Variants in CUL2 observed in about 807,000 individuals in gnomAD.
CUL2 encodes the protein cullin 2.
CUL2 carries 22 observed loss-of-function variants against 110.2 expected under a neutral mutation model. The ratio of observed to expected loss-of-function variants is 0.20; its 90% CI spans 0.14 to 0.28. The LOEUF (loss-of-function observed/expected upper bound fraction) is 0.28. Among genes scored for constraint, CUL2 ranks in the 10% least tolerant of loss-of-function variants. The pLI, the probability that CUL2 is intolerant of heterozygous loss-of-function variation, is 1.00. For synonymous variants in CUL2, 279 were observed against 293.2 expected, an observed-to-expected ratio of 0.95 and a Z score of 0.49; for missense variants, 631 against 905.5, an observed-to-expected ratio of 0.70 and a Z score of 3.89.
In CUL2 at chr10:35,044,864, G is replaced by T; in HGVS notation, c.511C>A (p.Arg171Ser). 1 of 1,608,954 alleles carries T rather than the reference G, an allele frequency of 6.2e-7. No homozygotes were observed. The highest frequency in any genetic ancestry group is 1.1e-5 in the South Asian group (1 of 90,442). The change falls in exon 7 of 21, where the codon CGT (arginine) becomes AGT (serine). Residue 171 changes from arginine (R) to serine (S), a missense_variant. Physicochemically the swap from Arg to Ser is moderately radical, Grantham distance 110 (BLOSUM62 -1). This residue lies in a region of CUL2 where 338 missense variants were observed against 442.5 expected (regional missense o/e 0.76). Coordinates refer to ENST00000374749, the MANE Select transcript of CUL2 (RefSeq NM_003591.4). ...RMLLREIKND[R>S]GGEDPNQKVI... ...TTCTGGTTTGGGTCTTCTCCACCAC[G>T]ATCACTAAAACAAGGTATAACACAA...
chr10:35,022,173 A>G lies in CUL2; in HGVS notation c.1684+2959T>C, dbSNP rs142121016. 1.5e-3 allele frequency among the ~76,000 whole-genome samples: 235 copies of G among 152,316 alleles called. 4 individuals are homozygous for G. In the East Asian group the frequency reaches 0.033, roughly 21 times the overall value. ...TGGCGTTTAGAAGTACCTGAGACAT[A>G]GAAAATGTTCTTTGAGTTGATCAAT... On this transcript the variant is annotated intron_variant, in intron 17 of 20. Coordinates refer to ENST00000374749, the MANE Select transcript of CUL2 (RefSeq NM_003591.4).
chr10:35,100,317 G>C (rs2087359082), intron 2 of CUL2, among the ~76,000 whole-genome samples: 1 of 152,072 alleles, frequency 6.6e-6, no homozygotes, highest in Admixed American at 6.6e-5. Flanking sequence ...TAAATCTGCT[G>C]GGCCTTTTAT....
intron 2 of CUL2, among the ~76,000 whole-genome samples, chr10:35,099,847 T>C (rs2087352386): frequency 6.6e-6 from 1 of 152,116 alleles, no homozygotes; most frequent in African/African-American, 2.4e-5. Context: ...AAATATGTGT[T>C]AAGTAAGCCA....
chr10:35,097,783 A>T (rs2087319565), intron 2 of CUL2, among the ~76,000 whole-genome samples: 1 of 151,822 alleles, frequency 6.6e-6, no homozygotes, highest in South Asian at 2.1e-4. Flanking sequence ...ATACAGCAAG[A>T]CCCCATCTTT....
At chr10:35,013,830 A>G in intron 18 of CUL2, 30 bp from the exon 19 acceptor site, 1 of 1,339,672 alleles carries the variant, frequency 7.5e-7, no homozygotes, top group Non-Finnish European at 9.9e-7. Context: ...ATTTATATTT[A>G]TAAAAACCAA....
intron 1 of CUL2, among the ~76,000 whole-genome samples, chr10:35,081,398 A>AT (rs1457243693): frequency 1.3e-5 from 2 of 152,218 alleles, no homozygotes; most frequent in East Asian, 3.9e-4. Context: ...TTGCTTTCTC[A>AT]TTTTTTGTTC....
intron 6 of CUL2, among the ~76,000 whole-genome samples, chr10:35,049,320 G>A (rs760041775): frequency 6.6e-6 from 1 of 152,144 alleles, no homozygotes; most frequent in East Asian, 1.9e-4. Context: ...TCAATAGGTG[G>A]TCCTCACGAG....
intron 18 of CUL2, 21 bp downstream of exon 18, chr10:35,016,171 C>G (rs960997899): frequency 6.3e-7 from 1 of 1,589,684 alleles, no homozygotes; most frequent in Non-Finnish European, 8.6e-7. Context: ...TGCTTAAATT[C>G]TTTGGAATAT....
At chr10:35,030,127 T>C (rs951121531) in intron 14 of CUL2, among the ~76,000 whole-genome samples, 1 of 152,216 alleles carries the variant, frequency 6.6e-6, no homozygotes, top group Non-Finnish European at 1.5e-5. Context: ...GCTGGGACTA[T>C]TGGCACATGC....
In CUL2 at chr10:35,009,350, A is replaced by G. The variant is rs1444428129; in HGVS notation, c.*961T>C. 1 of 151,980 alleles carries G rather than the reference A, an allele frequency of 6.6e-6. No individual in the cohort carries two copies. The highest frequency in any genetic ancestry group is 1.5e-5 in the Non-Finnish European group (1 of 67,980). The allele number at this position is 151,980 out of a possible 1,614,324, so 9.4% of individuals were successfully genotyped here. A position where few individuals can be genotyped will look rare whatever the true frequency, so the allele number is the denominator to read the frequency against. On this transcript the variant is annotated 3_prime_UTR_variant, in exon 21 of 21. Transcript: ENST00000374749. ...ATTGATGAGAGTGACTCTAGTATCT[A>G]AACTGTTGGAGGAGGGTTGTAAGGG... is the stretch of plus-strand genomic sequence containing the variant.
chr10:35,029,596 A>G lies in CUL2; in HGVS notation c.1431T>C (p.Tyr477=). ...YEFTSKLHRM[Y]TDMSVSADLN... ...GATCAGCGCTGACACTCATATCTGT[A>G]TACATCCGATGTAGCTTGCTGGTAA... Residue 477 remains tyrosine, a synonymous_variant, in exon 15 of 21, where the codon TAT becomes TAC. Coordinates refer to ENST00000374749, the MANE Select transcript of CUL2 (RefSeq NM_003591.4). 4.4e-6 allele frequency: 7 copies of G among 1,596,236 alleles called. No individual in the cohort carries two copies. The highest frequency in any genetic ancestry group is 6.0e-6 in the Non-Finnish European group (7 of 1,174,666).
chr10:35,088,745 G>T (rs1293982895), intron 1 of CUL2, among the ~76,000 whole-genome samples: 1 of 152,154 alleles, frequency 6.6e-6, no homozygotes, highest in African/African-American at 2.4e-5. Context: ...GATGGAGAAT[G>T]AAGAGTATTT....
At chr10:35,126,129 T>TA (rs79523600) in intron 1 of CUL2, among the ~76,000 whole-genome samples, 2,240 of 142,346 alleles carry the variant, frequency 0.016, 52 homozygotes, top group African/African-American at 0.051. Flanking sequence ...CTTTCTAATC[T>TA]AAAAAAAAAA....
At chr10:35,084,835 G>A (rs545436002) in intron 1 of CUL2, among the ~76,000 whole-genome samples, 1 of 152,248 alleles carries the variant, frequency 6.6e-6, no homozygotes, top group East Asian at 1.9e-4. Context: ...ACAACTGATA[G>A]TTGGACAGGC....
At chr10:35,027,620 T>C (rs988484623) in intron 16 of CUL2, among the ~76,000 whole-genome samples, 1 of 152,166 alleles carries the variant, frequency 6.6e-6, no homozygotes, top group Middle Eastern at 3.2e-3. Flanking sequence ...ATATTTAAGA[T>C]TAAGATGTAA....
chr10:35,011,978 G>T lies in CUL2; in HGVS notation c.1990-14C>A. On this transcript the variant is annotated splice_polypyrimidine_tract_variant and intron_variant, in intron 19 of 20. Coordinates refer to ENST00000374749, the MANE Select transcript of CUL2 (RefSeq NM_003591.4). ...CTGCTCCATTTCCTGTTTTACAGAAGAAAAGAAAAAAGACCCAACAAGACA... is the reference window on the plus strand; with the variant it reads ...CTGCTCCATTTCCTGTTTTACAGAATAAAAGAAAAAAGACCCAACAAGACA... 4.7e-6 allele frequency: 7 copies of T among 1,493,892 alleles called. No homozygotes were observed. The highest frequency in any genetic ancestry group is 6.4e-6 in the Non-Finnish European group (7 of 1,098,398). 92.5% of individuals were successfully genotyped at this position (1,493,892 alleles called of 1,614,324 possible).
At chr10:35,048,810 C>T (rs2086017016) in intron 6 of CUL2, among the ~76,000 whole-genome samples, 1 of 152,166 alleles carries the variant, frequency 6.6e-6, no homozygotes, top group Non-Finnish European at 1.5e-5. Context: ...AAAATATTCT[C>T]TTATCTTCTT....
chr10:35,113,181 C>CAAAAAAAAAAAAAAAAAAAAAAAA (rs71660665), intron 1 of CUL2, among the ~76,000 whole-genome samples: 1 of 36,630 alleles, frequency 2.7e-5, no homozygotes, highest in Non-Finnish European at 4.6e-5. Context: ...GACTCCATCT[C>CAAAAAAAAAAAAAAAAAAAAAAAA]AAAAAAAAAA....
At chr10:35,048,386 A>AT (rs2086006259) in intron 6 of CUL2, among the ~76,000 whole-genome samples, 2 of 152,142 alleles carry the variant, frequency 1.3e-5, no homozygotes, top group African/African-American at 2.4e-5. Flanking sequence ...TGTTTCCTTC[A>AT]TTTTTTATCA....
Sources: gnomAD v4.1 joint callset for allele counts (sites outside exome capture counted in the v4.1 genomes callset) on GRCh38, gnomAD v4.1.1 for gene constraint, gnomAD v4.1.1 regional missense constraint, MANE v1.5 for transcripts, NCBI Gene and HGNC (gene_info 2026-07-23, HGNC 2026-07-21) for gene names.